The following AKR1C8 variants were observed in gnomAD, a reference collection of about 807,000 sequenced individuals.
AKR1C8 encodes aldo-keto reductase family 1 member C8.
the AKR1C8 span, among the ~76,000 whole-genome samples, chr10:5,128,610 A>C: frequency 2.0e-5 from 3 of 152,164 alleles, no homozygotes; most frequent in Non-Finnish European, 4.4e-5. Context: ...ATGCAAATGG[A>C]AACCAAAAGT....
the AKR1C8 span, among the ~76,000 whole-genome samples, chr10:5,126,211 G>T: frequency 4.6e-5 from 7 of 152,226 alleles, no homozygotes; most frequent in Admixed American, 4.6e-4. Flanking sequence ...TTCTCCTAAA[G>T]AAGCTCTGCA....
chr10:5,167,782 A>AG, the AKR1C8 span, among the ~76,000 whole-genome samples: 1 of 151,850 alleles, frequency 6.6e-6, no homozygotes, highest in African/African-American at 2.4e-5. Context: ...GTATAACAAA[A>AG]AAAAGACAGT....
At chr10:5,180,709 C>G in the AKR1C8 span, among the ~76,000 whole-genome samples, 16 of 152,224 alleles carry the variant, frequency 1.1e-4, no homozygotes, top group African/African-American at 3.9e-4. Flanking sequence ...CCTCCCCCAG[C>G]CTGGCTGTCG....
the AKR1C8 span, among the ~76,000 whole-genome samples, chr10:5,148,346 A>T: frequency 6.6e-6 from 1 of 152,130 alleles, no homozygotes; most frequent in African/African-American, 2.4e-5. Flanking sequence ...ATGTGCCTCA[A>T]ATAAATAATT....
At chr10:5,178,993 T>C in the AKR1C8 span, among the ~76,000 whole-genome samples, 1 of 152,182 alleles carries the variant, frequency 6.6e-6, no homozygotes, top group Non-Finnish European at 1.5e-5. Context: ...AAGTTAATAT[T>C]ATTATGTTTG....
chr10:5,135,575 T>C, the AKR1C8 span, among the ~76,000 whole-genome samples: 1 of 152,154 alleles, frequency 6.6e-6, no homozygotes, highest in Admixed American at 6.6e-5. Flanking sequence ...CATCTATCTA[T>C]CTATCATCTA....
the AKR1C8 span, chr10:5,123,756 A>T: frequency 6.2e-7 from 1 of 1,613,542 alleles, no homozygotes; most frequent in Non-Finnish European, 8.5e-7. Flanking sequence ...GGCAACCAGA[A>T]CAATGTCTTT....
the AKR1C8 span, among the ~76,000 whole-genome samples, chr10:5,160,511 CATGCTGACTCCTTTTGTGCTTCTCT>C: frequency 6.6e-6 from 1 of 152,184 alleles, no homozygotes; most frequent in Non-Finnish European, 1.5e-5. Flanking sequence ...CCAAAGATAA[CATGCTGACTCCTTTTGTGCTTCTCT>C]ATGCTGACCC....
chr10:5,149,939 T>TA, the AKR1C8 span, among the ~76,000 whole-genome samples: 1 of 151,768 alleles, frequency 6.6e-6, no homozygotes, highest in Non-Finnish European at 1.5e-5. Flanking sequence ...CTGAAAGCTA[T>TA]AAAAACAGCT....
chr10:5,132,632 C>T, the AKR1C8 span: 74 of 1,589,434 alleles, frequency 4.7e-5, no homozygotes, highest in Admixed American at 1.2e-3. Context: ...CTTCTCTCTT[C>T]ACACTGTCAT....
the AKR1C8 span, among the ~76,000 whole-genome samples, chr10:5,163,779 C>T: frequency 2.0e-5 from 3 of 152,110 alleles, no homozygotes; most frequent in Non-Finnish European, 4.4e-5. Flanking sequence ...CACATTTGTC[C>T]TTTATGCCTA....
the AKR1C8 span, among the ~76,000 whole-genome samples, chr10:5,161,465 C>T: frequency 1.2e-4 from 19 of 152,194 alleles, no homozygotes; most frequent in African/African-American, 4.3e-4. Flanking sequence ...ACGGGAGACC[C>T]TCCCACTAAA....
chr10:5,161,810 C>T, the AKR1C8 span: 17 of 534,544 alleles, frequency 3.2e-5, no homozygotes, highest in Non-Finnish European at 6.2e-5. Context: ...TGCTTATAAC[C>T]ATGATGAAAC....
At chr10:5,123,006 G>A in the AKR1C8 span, among the ~76,000 whole-genome samples, 2 of 152,124 alleles carry the variant, frequency 1.3e-5, no homozygotes, top group Non-Finnish European at 2.9e-5. Flanking sequence ...ATCAAGAAAA[G>A]CAGATGTCGC....
the AKR1C8 span, chr10:5,162,028 A>T: frequency 1.2e-5 from 6 of 504,794 alleles, no homozygotes; most frequent in Non-Finnish European, 2.4e-5. Context: ...TTGAGGACAA[A>T]AATTAAACTT....
the AKR1C8 span, among the ~76,000 whole-genome samples, chr10:5,167,398 T>C: frequency 6.6e-5 from 10 of 152,168 alleles, no homozygotes; most frequent in Non-Finnish European, 1.5e-4. Flanking sequence ...TGTCCAACAA[T>C]GATAGACTGG....
chr10:5,153,123 A>G, the AKR1C8 span, among the ~76,000 whole-genome samples: 2 of 152,168 alleles, frequency 1.3e-5, no homozygotes, highest in Non-Finnish European at 2.9e-5. Context: ...GACATTCTCC[A>G]CTAGACTACA....
the AKR1C8 span, among the ~76,000 whole-genome samples, chr10:5,171,791 T>A: frequency 1.3e-5 from 2 of 152,080 alleles, no homozygotes; most frequent in African/African-American, 4.8e-5. Flanking sequence ...CAGAATTTCC[T>A]TTACAATTAA....
chr10:5,135,817 C>T, the AKR1C8 span, among the ~76,000 whole-genome samples: 1 of 152,070 alleles, frequency 6.6e-6, no homozygotes, highest in Non-Finnish European at 1.5e-5. Flanking sequence ...AAAAGTTAAA[C>T]ATTAAAACCA....
Sources: gnomAD v4.1 joint callset for allele counts (sites outside exome capture counted in the v4.1 genomes callset) on GRCh38, gnomAD v4.1.1 for gene constraint, MANE v1.5 for transcripts, NCBI Gene and HGNC (gene_info 2026-07-23, HGNC 2026-07-21) for gene names.